SORCS1: variants seen among roughly 807,000 people sequenced by gnomAD.
The protein encoded by SORCS1 is sortilin related VPS10 domain containing receptor 1, also known as VPS10 domain-containing receptor SorCS1.
SORCS1 carries 60 observed loss-of-function variants against 146.1 expected under a neutral mutation model. That is an observed-to-expected ratio of 0.41 (90% CI 0.33 to 0.51). The LOEUF (loss-of-function observed/expected upper bound fraction) is 0.51. Ranked by LOEUF, SORCS1 falls within the 20% of genes least tolerant of loss-of-function variation. The pLI is 0.21. For missense variants in SORCS1, 1,352 were observed against 1,487.6 expected, an observed-to-expected ratio of 0.91 and a Z score of 1.50; for synonymous variants, 637 against 584.0, an observed-to-expected ratio of 1.09 and a Z score of -1.31.
At chr10:107,131,357 C>A (rs1966867517) in intron 1 of SORCS1, among the ~76,000 whole-genome samples, 1 of 152,208 alleles carries the variant, frequency 6.6e-6, no homozygotes, top group African/African-American at 2.4e-5. Flanking sequence ...TATAGAGCCT[C>A]CCTCAAAAAC....
In SORCS1 at chr10:106,612,858, T is replaced by C. The variant is rs7069091; in HGVS notation, c.2921-835A>G. On this transcript the variant is annotated intron_variant, in intron 21 of 25. Transcript: ENST00000263054. ...GATCTGGAGCAACCTGAATGCATGG[T>C]AGGTTTATGACCCTGGGCCTCTTTG... is the stretch of plus-strand genomic sequence containing the variant. Among the ~76,000 whole-genome samples the C allele has an allele frequency of 9.7e-3, 1,476 of 152,180 alleles. 15 individuals carry two copies. Among genetic ancestry groups the C allele is most frequent in the African/African-American group, 0.025 (1,035 of 41,498 alleles).
chr10:106,741,622 T>C (rs755300546), intron 5 of SORCS1, among the ~76,000 whole-genome samples: 21 of 150,562 alleles, frequency 1.4e-4, no homozygotes, highest in Admixed American at 1.2e-3. Context: ...TAATTATATA[T>C]AGAGAGAGAG....
chr10:107,135,095 T>C (rs368635057), intron 1 of SORCS1, among the ~76,000 whole-genome samples: 36 of 152,334 alleles, frequency 2.4e-4, no homozygotes, highest in East Asian at 1.7e-3. Context: ...ATTCAAATAA[T>C]CAAAAGGGGA....
At chr10:106,843,447 T>TG (rs57823631) in intron 2 of SORCS1, among the ~76,000 whole-genome samples, 1 of 149,264 alleles carries the variant, frequency 6.7e-6, no homozygotes, top group Non-Finnish European at 1.5e-5. Context: ...TTTTTTTTTT[T>TG]GTGATGGAGT....
At chr10:106,680,616 A>T (rs951176347) in intron 10 of SORCS1, among the ~76,000 whole-genome samples, 5 of 152,240 alleles carry the variant, frequency 3.3e-5, no homozygotes, top group African/African-American at 1.2e-4. Context: ...TGATTGAAAT[A>T]TCAACAGTTT....
intron 1 of SORCS1, among the ~76,000 whole-genome samples, chr10:107,061,924 G>T (rs17122020): frequency 6.6e-6 from 1 of 152,088 alleles, no homozygotes; most frequent in Non-Finnish European, 1.5e-5. Context: ...GAATCTGAGC[G>T]GACATATTGG....
At chr10:107,045,709 T>A (rs1455277980) in intron 1 of SORCS1, among the ~76,000 whole-genome samples, 1 of 151,946 alleles carries the variant, frequency 6.6e-6, no homozygotes, top group East Asian at 1.9e-4. Flanking sequence ...TTGAGAAAAA[T>A]GTTTAAATTA....
At chr10:106,752,573 A>C (rs1464462418) in intron 5 of SORCS1, among the ~76,000 whole-genome samples, 1 of 152,230 alleles carries the variant, frequency 6.6e-6, no homozygotes, top group African/African-American at 2.4e-5. Context: ...GAAAAAGTAC[A>C]TTCAACCCCA....
intron 17 of SORCS1, among the ~76,000 whole-genome samples, chr10:106,656,531 G>A (rs1050381651): frequency 2.0e-4 from 31 of 152,034 alleles, no homozygotes; most frequent in African/African-American, 6.5e-4. Context: ...ACTCCCGAGC[G>A]AGATTCTTTC....
At chr10:107,172,188 C>T in the SORCS1 span, among the ~76,000 whole-genome samples, 35,168 of 152,110 alleles carry the variant, frequency 0.23, 4,244 homozygotes, top group African/African-American at 0.29. Context: ...CTCACTGATA[C>T]TTCTAGATTT....
intron 1 of SORCS1, among the ~76,000 whole-genome samples, chr10:107,066,266 T>C (rs1222494161): frequency 6.6e-6 from 1 of 152,208 alleles, no homozygotes; most frequent in Non-Finnish European, 1.5e-5. Context: ...ATGAAATATC[T>C]TCTACACTTA....
At chr10:106,756,325 A>G (rs566673816) in intron 5 of SORCS1, among the ~76,000 whole-genome samples, 2 of 152,318 alleles carry the variant, frequency 1.3e-5, no homozygotes, top group African/African-American at 4.8e-5. Flanking sequence ...GCATGTAACC[A>G]ACTCACAAGA....
At chr10:106,771,815 T>A (rs904923246) in intron 4 of SORCS1, among the ~76,000 whole-genome samples, 3 of 152,178 alleles carry the variant, frequency 2.0e-5, no homozygotes, top group Non-Finnish European at 1.5e-5. Context: ...CATAGGCCCT[T>A]CAGAGGCCAA....
chr10:106,876,744 T>C (rs1190608534), intron 2 of SORCS1, among the ~76,000 whole-genome samples: 1 of 152,234 alleles, frequency 6.6e-6, no homozygotes, highest in Non-Finnish European at 1.5e-5. Context: ...CCAGGACTCA[T>C]TACTTAATTC....
chr10:106,732,884 G>A (rs1478807624), intron 5 of SORCS1, among the ~76,000 whole-genome samples: 2 of 152,142 alleles, frequency 1.3e-5, no homozygotes, highest in East Asian at 3.9e-4. Context: ...ACTGTGGGAG[G>A]CTAAGGCAGG....
chr10:106,822,782 G>GGTTTTTTTTTTTT (rs1948106875), intron 3 of SORCS1, among the ~76,000 whole-genome samples: 1 of 113,168 alleles, frequency 8.8e-6, no homozygotes, highest in Non-Finnish European at 1.7e-5. Context: ...TTCATGTGTG[G>GGTTTTTTTTTTTT]TTTTTTTTTT....
intron 1 of SORCS1, among the ~76,000 whole-genome samples, chr10:107,131,910 T>C (rs1966883747): frequency 1.3e-5 from 2 of 152,308 alleles, no homozygotes; most frequent in South Asian, 2.1e-4. Flanking sequence ...TTTCCACTTC[T>C]TTCTTGTCCA....
In SORCS1 at chr10:106,839,024, T is replaced by A. The variant is rs554472663; in HGVS notation, c.627-9351A>T. Among the ~76,000 whole-genome samples, 21 of 152,264 alleles carry A rather than the reference T, an allele frequency of 1.4e-4. 1 individual carries two copies. The highest frequency in any genetic ancestry group is 4.8e-4 in the African/African-American group (20 of 41,538). ...CAGCTATTCCCTATCCCTTTCTCCC[T>A]CCTTTTCTTTCCTCCCACCCCTCAG... is the stretch of plus-strand genomic sequence containing the variant. On this transcript the variant is annotated intron_variant, in intron 2 of 25. Coordinates refer to ENST00000263054, the MANE Select transcript of SORCS1 (RefSeq NM_052918.5).
intron 23 of SORCS1, among the ~76,000 whole-genome samples, chr10:106,601,059 C>T (rs1306284517): frequency 6.6e-6 from 1 of 152,130 alleles, no homozygotes; most frequent in Admixed American, 6.5e-5. Flanking sequence ...TTTCTGTTCA[C>T]CAGTTGCATA....
Sources: gnomAD v4.1 joint callset for allele counts (sites outside exome capture counted in the v4.1 genomes callset) on GRCh38, gnomAD v4.1.1 for gene constraint, MANE v1.5 for transcripts, NCBI Gene and HGNC (gene_info 2026-07-23, HGNC 2026-07-21) for gene names.